Variants in SAMD4A observed in about 807,000 individuals in gnomAD.
SAMD4A encodes the protein sterile alpha motif domain containing 4A.
A neutral mutation model predicts 81.3 loss-of-function variants in SAMD4A; 33 were observed. The observed-to-expected ratio is 0.41, with a 90% confidence interval of 0.31 to 0.54. The LOEUF (loss-of-function observed/expected upper bound fraction) is 0.54. SAMD4A is among the 20% of genes least tolerant of loss of function. SAMD4A has a pLI of 0.37. For missense variants in SAMD4A, 854 were observed against 951.1 expected, an observed-to-expected ratio of 0.90 and a Z score of 1.34; for synonymous variants, 389 against 382.1, an observed-to-expected ratio of 1.02 and a Z score of -0.21.
intron 2 of SAMD4A, among the ~76,000 whole-genome samples, chr14:54,646,399 A>G (rs1198802819): frequency 6.6e-6 from 1 of 152,208 alleles, no homozygotes; most frequent in Non-Finnish European, 1.5e-5. Context: ...ATCTGTAGGA[A>G]TTGTTCAAAC....
intron 2 of SAMD4A, among the ~76,000 whole-genome samples, chr14:54,637,850 C>T (rs2035073869): frequency 6.6e-6 from 1 of 152,176 alleles, no homozygotes; most frequent in African/African-American, 2.4e-5. Context: ...TCCTTTGTTT[C>T]ATGTGCCACT....
chr14:54,749,045 A>C, intron 5 of SAMD4A, 121 bp downstream of exon 5: 1 of 670,850 alleles, frequency 1.5e-6, no homozygotes. Flanking sequence ...CCTGTGCTGG[A>C]AACTGTGGGG....
chr14:54,657,575 T>C (rs994478705), intron 2 of SAMD4A, among the ~76,000 whole-genome samples: 6 of 152,244 alleles, frequency 3.9e-5, no homozygotes, highest in Non-Finnish European at 8.8e-5. Context: ...CAAGGTTTTC[T>C]ACTAAAGAGT....
At chr14:54,654,227 T>G (rs2035470397) in intron 2 of SAMD4A, among the ~76,000 whole-genome samples, 2 of 152,142 alleles carry the variant, frequency 1.3e-5, no homozygotes. Context: ...AAACCACATT[T>G]AAAGCTGTGT....
upstream of SAMD4A, among the ~76,000 whole-genome samples, chr14:54,566,879 G>T (rs1023924883): frequency 1.3e-5 from 2 of 152,146 alleles, no homozygotes; most frequent in African/African-American, 4.8e-5. Context: ...GCCGCCGCCC[G>T]CTGGGCGCGG....
chr14:54,655,142 G>C (rs575485107), intron 2 of SAMD4A, among the ~76,000 whole-genome samples: 1 of 152,138 alleles, frequency 6.6e-6, no homozygotes, highest in Non-Finnish European at 1.5e-5. Context: ...CTCACAGGAG[G>C]CTACCCCATA....
At chr14:54,746,093 T>C (rs1218782299) in intron 4 of SAMD4A, among the ~76,000 whole-genome samples, 1 of 152,190 alleles carries the variant, frequency 6.6e-6, no homozygotes, top group East Asian at 1.9e-4. Flanking sequence ...GGGAATGAAA[T>C]GGTCAAGGCT....
At chr14:54,668,133 C>A (rs2035794986) in intron 2 of SAMD4A, among the ~76,000 whole-genome samples, 1 of 152,228 alleles carries the variant, frequency 6.6e-6, no homozygotes, top group African/African-American at 2.4e-5. Context: ...TTTGTCCCTC[C>A]TGCTTTCCCA....
intron 2 of SAMD4A, among the ~76,000 whole-genome samples, chr14:54,603,202 C>T (rs2034107791): frequency 6.6e-6 from 1 of 152,218 alleles, no homozygotes; most frequent in African/African-American, 2.4e-5. Flanking sequence ...TAGCTCATAG[C>T]ATTTCCATCA....
At chr14:54,593,876 G>A (rs1013913758) in intron 2 of SAMD4A, among the ~76,000 whole-genome samples, 1 of 141,180 alleles carries the variant, frequency 7.1e-6, no homozygotes, top group African/African-American at 2.5e-5. Flanking sequence ...TGAGCCAAGT[G>A]GGGGAGAATC....
At chr14:54,602,660 G>A (rs2034087812) in intron 2 of SAMD4A, among the ~76,000 whole-genome samples, 1 of 151,496 alleles carries the variant, frequency 6.6e-6, no homozygotes, top group South Asian at 2.1e-4. Context: ...GGTGGGGGGA[G>A]TGGGGAGGGA....
At chr14:54,694,382 G>A (rs2036526288) in intron 2 of SAMD4A, 1 of 152,874 alleles carries the variant, frequency 6.5e-6, no homozygotes, top group African/African-American at 2.4e-5. Context: ...TGAGAGAAAG[G>A]AGTCAAGGAT....
chr14:54,770,686 T>G (rs1256129537), intron 9 of SAMD4A, among the ~76,000 whole-genome samples: 3 of 152,254 alleles, frequency 2.0e-5, no homozygotes. Context: ...CTAGTCTATT[T>G]TGGTCTGCAG....
At chr14:54,784,720 TG>T in intron 12 of SAMD4A, 100 bp downstream of exon 12, 1 of 1,095,602 alleles carries the variant, frequency 9.1e-7, no homozygotes. Flanking sequence ...TCAGGAGAAT[TG>T]GGGGAGGACA....
At chr14:54,573,045 G>C (rs1228811384) in intron 2 of SAMD4A, among the ~76,000 whole-genome samples, 1 of 152,150 alleles carries the variant, frequency 6.6e-6, no homozygotes. Flanking sequence ...TTTTCCTTCA[G>C]TTGGTGAATG....
intron 2 of SAMD4A, among the ~76,000 whole-genome samples, chr14:54,606,766 T>A (rs1175566353): frequency 6.6e-6 from 1 of 152,258 alleles, no homozygotes; most frequent in Non-Finnish European, 1.5e-5. Context: ...TTAAAAGTAT[T>A]TTATACCCCC....
At chr14:54,570,929 A>G (rs973575852) in intron 2 of SAMD4A, among the ~76,000 whole-genome samples, 1 of 152,202 alleles carries the variant, frequency 6.6e-6, no homozygotes, top group Non-Finnish European at 1.5e-5. Flanking sequence ...TTTATTTTGT[A>G]ATCATCAATT....
chr14:54,586,624 A>G (rs1421318003), intron 2 of SAMD4A, among the ~76,000 whole-genome samples: 1 of 152,202 alleles, frequency 6.6e-6, no homozygotes, highest in Non-Finnish European at 1.5e-5. Flanking sequence ...ATGAGGATCC[A>G]GTTTCGTTTT....
At chr14:54,749,450 TA>T (rs1411512933) in intron 5 of SAMD4A, among the ~76,000 whole-genome samples, 2 of 152,212 alleles carry the variant, frequency 1.3e-5, no homozygotes, top group East Asian at 1.9e-4. Flanking sequence ...CCAACATTTT[TA>T]AAAAGTCATG....
Sources: gnomAD v4.1 joint callset for allele counts (sites outside exome capture counted in the v4.1 genomes callset) on GRCh38, gnomAD v4.1.1 for gene constraint, MANE v1.5 for transcripts, NCBI Gene and HGNC (gene_info 2026-07-23, HGNC 2026-07-21) for gene names.